The following CEP85L variants were observed in gnomAD, a reference collection of about 807,000 sequenced individuals.
CEP85L encodes the protein centrosomal protein of 85 kDa-like.
A neutral mutation model predicts 100.3 loss-of-function variants in CEP85L; 60 were observed. That is an observed-to-expected ratio of 0.60 (90% CI 0.49 to 0.74). The LOEUF is 0.74. Among genes scored for constraint, CEP85L ranks in the 30% least tolerant of loss-of-function variants. The pLI is 0.00. For synonymous variants in CEP85L, 319 were observed against 322.7 expected (o/e 0.99, Z 0.12); for missense variants, 973 against 936.2 (o/e 1.04, Z -0.51).
At chr6:118,541,821 AG>A (rs1165211532) in intron 3 of CEP85L, among the ~76,000 whole-genome samples, 4 of 150,868 alleles carry the variant, frequency 2.7e-5, no homozygotes, top group African/African-American at 4.9e-5. Flanking sequence ...CATGTCACTC[AG>A]GATGTTTACT....
upstream of CEP85L, among the ~76,000 whole-genome samples, chr6:118,654,410 C>G (rs1775705653): frequency 6.6e-6 from 1 of 152,004 alleles, no homozygotes; most frequent in East Asian, 1.9e-4. Context: ...AAAAGTAAAC[C>G]AACCAATAAC....
intron 3 of CEP85L, among the ~76,000 whole-genome samples, chr6:118,555,979 TATC>T (rs113829129): frequency 6.6e-6 from 1 of 152,364 alleles, no homozygotes; most frequent in African/African-American, 2.4e-5. Context: ...AAAGACATGA[TATC>T]ATTCTTTTTT....
chr6:118,628,213 G>T (rs1387680341), intron 2 of CEP85L, among the ~76,000 whole-genome samples: 1 of 152,102 alleles, frequency 6.6e-6, no homozygotes, highest in African/African-American at 2.4e-5. Flanking sequence ...GCAAGCTTCA[G>T]GACTAGACTC....
At chr6:118,636,245 G>C (rs1031837584) in intron 1 of CEP85L, among the ~76,000 whole-genome samples, 14 of 152,208 alleles carry the variant, frequency 9.2e-5, no homozygotes, top group African/African-American at 3.4e-4. Flanking sequence ...TGATTCATAA[G>C]TAACTACAGC....
intron 2 of CEP85L, among the ~76,000 whole-genome samples, chr6:118,618,016 C>T (rs1773181485): frequency 6.6e-6 from 1 of 152,098 alleles, no homozygotes; most frequent in African/African-American, 2.4e-5. Context: ...AATCCCTGAC[C>T]CTTTGGAGTT....
chr6:118,523,642 C>G (rs965096385), intron 4 of CEP85L, among the ~76,000 whole-genome samples, 160 bp downstream of exon 4: 1 of 152,104 alleles, frequency 6.6e-6, no homozygotes, highest in Non-Finnish European at 1.5e-5. Context: ...TCTAACAGTA[C>G]TTCTTTAAAG....
intron 2 of CEP85L, among the ~76,000 whole-genome samples, chr6:118,595,018 CT>C (rs1171865871): frequency 1.3e-5 from 2 of 151,738 alleles, no homozygotes; most frequent in Non-Finnish European, 1.5e-5. Flanking sequence ...AAGTAAGTTT[CT>C]TTTTTTTGCC....
chr6:118,468,026 C>A (rs1375279091), intron 12 of CEP85L, among the ~76,000 whole-genome samples: 1 of 152,182 alleles, frequency 6.6e-6, no homozygotes, highest in Non-Finnish European at 1.5e-5. Flanking sequence ...TACTTAGTGT[C>A]TGGACCATAG....
At chr6:118,499,818 T>C (rs1775160018) in intron 5 of CEP85L, among the ~76,000 whole-genome samples, 1 of 152,034 alleles carries the variant, frequency 6.6e-6, no homozygotes, top group African/African-American at 2.4e-5. Context: ...GCCACCAAGA[T>C]CAAAAAGCAT....
upstream of CEP85L, chr6:118,652,743 T>G: frequency 1.3e-6 from 2 of 1,545,910 alleles, no homozygotes; most frequent in Non-Finnish European, 1.7e-6. Flanking sequence ...TTACATTTAG[T>G]CTCCCTGTGG....
chr6:118,589,270 C>T (rs1214274185), intron 2 of CEP85L: 12 of 229,332 alleles, frequency 5.2e-5, no homozygotes, highest in Admixed American at 4.1e-4. Context: ...AGGCCACCCT[C>T]CCAACTTTCA....
chr6:118,460,852 A>T lies in CEP85L; in HGVS notation c.*4553T>A, dbSNP rs1159337956. The stretch of plus-strand genomic sequence containing the variant: ...ATAGTCCAGTGGAAAAATACTAGCC[A>T]TTAACATTGAAAACTTTTTTCTTAA... On this transcript the variant is annotated 3_prime_UTR_variant, in exon 13 of 13. Transcript: ENST00000368491. 6.6e-6 allele frequency: 1 copy of T among 152,214 alleles called. No individual in the cohort carries two copies. Among genetic ancestry groups the T allele is most frequent in the Non-Finnish European group, 1.5e-5 (1 of 68,024 alleles). 9.4% of individuals were successfully genotyped at this position (152,214 alleles called of 1,614,324 possible). A position where few individuals can be genotyped will look rare whatever the true frequency, so the allele number is the denominator to read the frequency against.
At chr6:118,676,292 G>A (rs886711777) in intron 1 of CEP85L, among the ~76,000 whole-genome samples, 1 of 152,090 alleles carries the variant, frequency 6.6e-6, no homozygotes, top group Non-Finnish European at 1.5e-5. Context: ...CTATCTAACT[G>A]AAACTATGTA....
intron 2 of CEP85L, among the ~76,000 whole-genome samples, chr6:118,605,104 G>T (rs1376384814): frequency 6.6e-6 from 1 of 152,148 alleles, no homozygotes; most frequent in South Asian, 2.1e-4. Flanking sequence ...AGCCCTTGGA[G>T]GAAAAGCGCC....
chr6:118,580,718 C>G (rs1023560505), intron 2 of CEP85L, among the ~76,000 whole-genome samples: 6 of 152,234 alleles, frequency 3.9e-5, no homozygotes, highest in African/African-American at 1.4e-4. Flanking sequence ...CTGGACCAGA[C>G]CCAGCCTCCA....
At chr6:118,491,413 G>C in intron 6 of CEP85L, 2 of 1,070,370 alleles carry the variant, frequency 1.9e-6, no homozygotes, top group Non-Finnish European at 2.3e-6. Context: ...GACTCAATAA[G>C]GAAAAGGAGA....
chr6:118,559,144 A>G, intron 3 of CEP85L: 2 of 1,209,150 alleles, frequency 1.7e-6, no homozygotes, highest in Non-Finnish European at 2.5e-6. Context: ...CATCCCATGC[A>G]GACAGGAAAA....
intron 1 of CEP85L, among the ~76,000 whole-genome samples, chr6:118,669,667 C>T (rs1776236595): frequency 6.6e-6 from 1 of 152,020 alleles, no homozygotes; most frequent in South Asian, 2.1e-4. Context: ...TTATGGTCTC[C>T]TCTCATTGCA....
chr6:118,625,385 C>G (rs565690494), intron 2 of CEP85L, among the ~76,000 whole-genome samples: 3 of 152,344 alleles, frequency 2.0e-5, no homozygotes, highest in African/African-American at 7.2e-5. Context: ...GCCCGAGCGC[C>G]TATTCTCCCT....
Sources: allele counts gnomAD v4.1 joint callset (sites outside exome capture counted in the v4.1 genomes callset), GRCh38; gene constraint gnomAD v4.1.1; transcripts MANE v1.5; gene names NCBI Gene and HGNC (gene_info 2026-07-23, HGNC 2026-07-21).